SLC35F1: variants seen among roughly 807,000 people sequenced by gnomAD.
SLC35F1 encodes chromosome 6 open reading frame 169.
Under a neutral mutation model 48.7 loss-of-function variants are expected in SLC35F1, and 14 were observed. The ratio of observed to expected loss-of-function variants is 0.29; its 90% CI spans 0.19 to 0.45. SLC35F1 has a LOEUF of 0.45. Among genes scored for constraint, SLC35F1 ranks in the 20% least tolerant of loss-of-function variants. The pLI is 1.00. For synonymous variants in SLC35F1, 190 were observed against 202.2 expected (o/e 0.94, Z 0.51); for missense variants, 404 against 500.0 (o/e 0.81, Z 1.83).
At chr6:117,989,009 GTTA>G (rs2114856245) in intron 1 of SLC35F1, among the ~76,000 whole-genome samples, 1 of 152,308 alleles carries the variant, frequency 6.6e-6, no homozygotes, top group East Asian at 1.9e-4. Flanking sequence ...TGAAGCAGTT[GTTA>G]TTATCTCCAT....
At chr6:118,186,427 G>A (rs1427107276) in intron 2 of SLC35F1, among the ~76,000 whole-genome samples, 1 of 149,546 alleles carries the variant, frequency 6.7e-6, no homozygotes. Flanking sequence ...AACAAAGCAT[G>A]TTTTACTTCA....
intron 2 of SLC35F1, among the ~76,000 whole-genome samples, chr6:118,206,401 C>G (rs995214358): frequency 1.3e-5 from 2 of 152,154 alleles, no homozygotes; most frequent in Admixed American, 1.3e-4. Flanking sequence ...AACCTTACTT[C>G]TTACTCTCAA....
intron 7 of SLC35F1, among the ~76,000 whole-genome samples, chr6:118,299,915 C>T (rs1761622): frequency 0.11 from 16,175 of 152,168 alleles, 963 homozygotes; most frequent in Middle Eastern, 0.19. Flanking sequence ...TATAGTTTTC[C>T]CACCAAAGGG....
At chr6:118,281,171 A>G (rs1775978493) in intron 6 of SLC35F1, among the ~76,000 whole-genome samples, 2 of 138,250 alleles carry the variant, frequency 1.4e-5, no homozygotes, top group Non-Finnish European at 3.1e-5. Flanking sequence ...ATATATATAT[A>G]GTAACTCTCT....
intron 2 of SLC35F1, among the ~76,000 whole-genome samples, chr6:118,214,496 T>G (rs1775046771): frequency 6.6e-6 from 1 of 152,236 alleles, no homozygotes; most frequent in Non-Finnish European, 1.5e-5. Context: ...AATGTGATGG[T>G]ATATTTTAAA....
At chr6:118,192,737 T>A (rs192328463) in intron 2 of SLC35F1, among the ~76,000 whole-genome samples, 141 of 152,244 alleles carry the variant, frequency 9.3e-4, no homozygotes, top group African/African-American at 3.2e-3. Context: ...GGTTAAACAT[T>A]ATCTTTTATT....
intron 1 of SLC35F1, among the ~76,000 whole-genome samples, chr6:117,977,649 T>C (rs1395132217): frequency 6.6e-6 from 1 of 152,306 alleles, no homozygotes; most frequent in South Asian, 2.1e-4. Context: ...GTAAGACTAA[T>C]ATATCTCCAT....
chr6:118,059,616 C>T (rs7775988), intron 1 of SLC35F1, among the ~76,000 whole-genome samples: 1 of 151,986 alleles, frequency 6.6e-6, no homozygotes, highest in Non-Finnish European at 1.5e-5. Context: ...TTCTGAGAAA[C>T]CCAGGTGTGG....
intron 1 of SLC35F1, among the ~76,000 whole-genome samples, chr6:118,022,747 A>AT (rs34879607): frequency 0.046 from 5,558 of 120,574 alleles, 173 homozygotes; most frequent in Non-Finnish European, 0.05. Context: ...AGCTTGGACA[A>AT]TTTTTTTTTT....
chr6:117,962,280 G>A (rs1325437212), intron 1 of SLC35F1, among the ~76,000 whole-genome samples: 1 of 150,336 alleles, frequency 6.7e-6, no homozygotes, highest in Non-Finnish European at 1.5e-5. Flanking sequence ...AAGCAGCATA[G>A]CTCATGAAAT....
intron 1 of SLC35F1, among the ~76,000 whole-genome samples, chr6:118,037,579 T>C (rs1274508436): frequency 6.6e-6 from 1 of 152,150 alleles, no homozygotes; most frequent in Non-Finnish European, 1.5e-5. Context: ...CGTATGTTTA[T>C]TGCAGCACTA....
chr6:118,102,671 C>T (rs1037839590), intron 1 of SLC35F1, among the ~76,000 whole-genome samples: 3 of 152,196 alleles, frequency 2.0e-5, no homozygotes, highest in African/African-American at 4.8e-5. Flanking sequence ...TGCTGTGCAC[C>T]TCAGAAGCTC....
chr6:118,185,241 C>T (rs766907672), intron 2 of SLC35F1, among the ~76,000 whole-genome samples: 2 of 152,122 alleles, frequency 1.3e-5, no homozygotes, highest in Non-Finnish European at 2.9e-5. Context: ...GCTGCTTTTT[C>T]CCTTGGTTAT....
intron 1 of SLC35F1, among the ~76,000 whole-genome samples, chr6:117,911,588 A>C (rs1232532142): frequency 6.6e-6 from 1 of 151,764 alleles, no homozygotes; most frequent in Non-Finnish European, 1.5e-5. Flanking sequence ...GGTGCACACC[A>C]CCATGCCTGG....
At position 118,275,472 on chromosome 6, in the gene SLC35F1, G is replaced by C; in HGVS notation, c.651G>C (p.Leu217=). 1 of 1,612,416 alleles carries C rather than the reference G, an allele frequency of 6.2e-7. No homozygotes were observed. Among genetic ancestry groups the C allele is most frequent in the Non-Finnish European group, 8.5e-7 (1 of 1,179,212 alleles). Residue 217 remains leucine, a synonymous_variant, in exon 5 of 8, where the codon CTG becomes CTC. Transcript: ENST00000360388. ...GTTGGTTCCTAGGGGAAAATAAGCTGGTAGGGGACCTTCTGGTCTTAGGAG... is the reference window on the plus strand; with the variant it reads ...GTTGGTTCCTAGGGGAAAATAAGCTCGTAGGGGACCTTCTGGTCTTAGGAG... ...GRHQGAGENK[L]VGDLLVLGGA...
intron 7 of SLC35F1, among the ~76,000 whole-genome samples, chr6:118,289,206 T>A (rs1776087972): frequency 6.6e-6 from 1 of 152,242 alleles, no homozygotes; most frequent in East Asian, 1.9e-4. Context: ...TCAGAAGTTG[T>A]CCATGGTGTG....
chr6:118,055,005 G>C (rs1180972453), intron 1 of SLC35F1, among the ~76,000 whole-genome samples: 1 of 152,162 alleles, frequency 6.6e-6, no homozygotes, highest in Non-Finnish European at 1.5e-5. Flanking sequence ...TCGATCTCCT[G>C]ACCGCGTGAT....
chr6:118,206,211 C>T (rs928486287), intron 2 of SLC35F1, among the ~76,000 whole-genome samples: 2 of 152,114 alleles, frequency 1.3e-5, no homozygotes, highest in African/African-American at 4.8e-5. Flanking sequence ...AGAAAGAAAA[C>T]AGCCACTACA....
chr6:118,262,057 T>C (rs975255294), intron 3 of SLC35F1, among the ~76,000 whole-genome samples: 2 of 151,874 alleles, frequency 1.3e-5, no homozygotes, highest in Non-Finnish European at 2.9e-5. Context: ...GTAAAGAGGG[T>C]TTGCAGCCTG....
Sources: allele counts gnomAD v4.1 joint callset (sites outside exome capture counted in the v4.1 genomes callset), GRCh38; gene constraint gnomAD v4.1.1; transcripts MANE v1.5; gene names NCBI Gene and HGNC (gene_info 2026-07-23, HGNC 2026-07-21).